The following LRP2 variants were observed in gnomAD, a reference collection of about 807,000 sequenced individuals.
The protein encoded by LRP2 is low-density lipoprotein receptor-related protein 2.
LRP2 carries 172 observed loss-of-function variants against 531.0 expected under a neutral mutation model. That is an observed-to-expected ratio of 0.32 (90% CI 0.29 to 0.37). LRP2 has a LOEUF of 0.37. Among genes scored for constraint, LRP2 ranks in the 10% least tolerant of loss-of-function variants. LRP2 has a pLI of 1.00. For synonymous variants in LRP2, 1,992 were observed against 2,027.6 expected, an observed-to-expected ratio of 0.98 and a Z score of 0.47; for missense variants, 5,167 against 5,868.3, an observed-to-expected ratio of 0.88 and a Z score of 3.90.
intron 76 of LRP2, among the ~76,000 whole-genome samples, chr2:169,135,037 G>C (rs542601943): frequency 3.7e-4 from 56 of 152,274 alleles, no homozygotes; most frequent in Non-Finnish European, 6.9e-4. Context: ...TCCCACACAA[G>C]GCAAATGGTT....
intron 4 of LRP2, among the ~76,000 whole-genome samples, chr2:169,302,457 T>C (rs1169364656): frequency 1.3e-5 from 2 of 152,054 alleles, no homozygotes; most frequent in Non-Finnish European, 2.9e-5. Flanking sequence ...ATGATTTGGC[T>C]CCTGGAGGAC....
At chr2:169,139,729 C>A in intron 72 of LRP2, 119 bp from the exon 73 acceptor site, 2 of 859,032 alleles carry the variant, frequency 2.3e-6, no homozygotes, top group Admixed American at 1.8e-5. Flanking sequence ...GTTGAACAGA[C>A]AATGTATCCT....
chr2:169,239,504 G>T (rs1689727548), intron 26 of LRP2, 23 bp downstream of exon 26: 1 of 1,613,734 alleles, frequency 6.2e-7, no homozygotes, highest in Admixed American at 1.7e-5. Flanking sequence ...TGATAAACTG[G>T]CTCGGGTTAG....
In LRP2 at chr2:169,198,849, C is replaced by T. The variant is rs200480327; in HGVS notation, c.8515G>A (p.Val2839Ile). 1.2e-4 allele frequency: 187 copies of T among 1,613,826 alleles called. No individual in the cohort carries two copies. Among genetic ancestry groups the T allele is most frequent in the South Asian group, 3.0e-4 (27 of 91,076 alleles). Residue 2839 changes from valine (V) to isoleucine (I), a missense_variant, in exon 45 of 79, where the codon GTT (valine) becomes ATT (isoleucine). This residue lies in a region of LRP2 where 1,129 missense variants were observed against 1,362.7 expected (regional missense o/e 0.83). Transcript: ENST00000649046. ...TCATTGTCTCCGTCACACAAATAAACGCGAGGAATACAAATATTTGAATTA... is the reference window on the plus strand; with the variant it reads ...TCATTGTCTCCGTCACACAAATAAATGCGAGGAATACAAATATTTGAATTA... ...CHNSNICIPR[V>I]YLCDGDNDCG...
intron 1 of LRP2, among the ~76,000 whole-genome samples, chr2:169,328,441 TAAA>T (rs537210492): frequency 8.1e-5 from 4 of 49,128 alleles, no homozygotes; most frequent in Admixed American, 5.2e-4. Context: ...CGGGCCGGGA[TAAA>T]AAAAAAAAAA....
At chr2:169,327,421 C>A (rs1337529315) in intron 1 of LRP2, among the ~76,000 whole-genome samples, 1 of 129,724 alleles carries the variant, frequency 7.7e-6, no homozygotes, top group Non-Finnish European at 1.7e-5. Context: ...CCAGCCACCC[C>A]GTCCGGGAGG....
rs35472707 is a variant in LRP2, at chr2:169,139,071, C to T, written c.13388+180G>A. ...TTGTCACTCAGGCTTTAGAGAAGCACTTGACTAAGAAGTTGGGATTTGAAG... is the reference window on the plus strand; with the variant it reads ...TTGTCACTCAGGCTTTAGAGAAGCATTTGACTAAGAAGTTGGGATTTGAAG... On this transcript the variant is annotated intron_variant, in intron 74 of 78. Transcript: ENST00000649046. 0.04 allele frequency among the ~76,000 whole-genome samples: 6,158 copies of T among 152,286 alleles called. 130 individuals carry two copies. The highest frequency in any genetic ancestry group is 0.049 in the Non-Finnish European group (3,314 of 68,014).
chr2:169,151,730 C>T (rs1056777917), intron 67 of LRP2, among the ~76,000 whole-genome samples: 4 of 152,176 alleles, frequency 2.6e-5, no homozygotes, highest in African/African-American at 7.2e-5. Flanking sequence ...AAACTTCAAA[C>T]AAGAAGACAG....
chr2:169,147,402 A>G (rs964095495), intron 68 of LRP2, among the ~76,000 whole-genome samples: 2 of 151,624 alleles, frequency 1.3e-5, no homozygotes, highest in Non-Finnish European at 2.9e-5. Flanking sequence ...AGCTCACTAC[A>G]CTCCTGGGCT....
chr2:169,322,750 G>T (rs1356482607), intron 1 of LRP2, among the ~76,000 whole-genome samples: 4 of 152,022 alleles, frequency 2.6e-5, no homozygotes, highest in African/African-American at 9.7e-5. Context: ...TAGTATCTGA[G>T]GTTGTAAAGG....
In LRP2 at chr2:169,289,010, G is replaced by A. The variant is rs761275951; in HGVS notation, c.1042+16C>T. 1.3e-5 allele frequency: 21 copies of A among 1,613,388 alleles called. No homozygotes were observed. The highest frequency in any genetic ancestry group is 1.7e-4 in the Middle Eastern group (1 of 6,058). On this transcript the variant is annotated intron_variant, in intron 9 of 78. Coordinates refer to ENST00000649046, the MANE Select transcript of LRP2 (RefSeq NM_004525.3). ...CTGTAATGAAAGACAAGTAGCCGCC[G>A]CCCCCCATCACTTACCAACACAGGT...
Position 169,277,915 on chromosome 2 carries a change from C to T in LRP2, c.1602G>A (p.Gly534=), listed in dbSNP as rs1405719493. 1 of 1,613,898 alleles carries T rather than the reference C, an allele frequency of 6.2e-7. No homozygotes were observed. Among genetic ancestry groups the T allele is most frequent in the Middle Eastern group, 1.6e-4 (1 of 6,062 alleles). Residue 534 remains glycine, a synonymous_variant, in exon 13 of 79, where the codon GGG becomes GGA. Coordinates refer to ENST00000649046, the MANE Select transcript of LRP2 (RefSeq NM_004525.3). The stretch of plus-strand genomic sequence containing the variant: ...TGAATGCCCTTTCCAGCTTAGGTTC[C>T]CCAGAAAGGCTCTCCCAATCTGAGA... ...LFFSDWESLS[G]EPKLERAFMD... is the part of the protein sequence containing the mutation.
chr2:169,194,139 T>C (rs527768578), intron 46 of LRP2, among the ~76,000 whole-genome samples: 7 of 152,308 alleles, frequency 4.6e-5, no homozygotes, highest in East Asian at 1.9e-4. Context: ...TATTCCCTTA[T>C]GTGTATGGTA....
chr2:169,357,730 A>G (rs1029824014), intron 1 of LRP2, among the ~76,000 whole-genome samples: 19 of 152,196 alleles, frequency 1.2e-4, no homozygotes, highest in Non-Finnish European at 2.2e-4. Flanking sequence ...TACACAGGAA[A>G]TACATCTAGG....
At chr2:169,246,611 C>T (rs1022643140) in intron 21 of LRP2, 94 bp downstream of exon 21, 1 of 1,398,054 alleles carries the variant, frequency 7.2e-7, no homozygotes, top group African/African-American at 1.4e-5. Flanking sequence ...AGATATTTTT[C>T]CCATATAAAT....
chr2:169,195,761 C>A (rs984238281), intron 46 of LRP2, among the ~76,000 whole-genome samples: 1 of 152,082 alleles, frequency 6.6e-6, no homozygotes, highest in Non-Finnish European at 1.5e-5. Flanking sequence ...ACTCTATGTG[C>A]CCTTTGCTTT....
chr2:169,210,902 C>A (rs999251481), intron 37 of LRP2, among the ~76,000 whole-genome samples: 1 of 152,166 alleles, frequency 6.6e-6, no homozygotes, highest in South Asian at 2.1e-4. Context: ...CACACACACA[C>A]ATACAAATTG....
chr2:169,305,892 AC>A (rs1424649896), intron 4 of LRP2, among the ~76,000 whole-genome samples: 4 of 152,144 alleles, frequency 2.6e-5, no homozygotes, highest in African/African-American at 4.8e-5. Context: ...TAGCACGGGA[AC>A]ATGGTGTTCA....
chr2:169,218,561 C>T (rs1044306541), intron 34 of LRP2, among the ~76,000 whole-genome samples: 9 of 152,022 alleles, frequency 5.9e-5, no homozygotes, highest in African/African-American at 2.2e-4. Context: ...TCTTTGTATC[C>T]ACCCTCTGAA....
Sources: allele counts gnomAD v4.1 joint callset (sites outside exome capture counted in the v4.1 genomes callset), GRCh38; gene constraint gnomAD v4.1.1; regional missense constraint gnomAD v4.1.1; transcripts MANE v1.5; gene names NCBI Gene and HGNC (gene_info 2026-07-23, HGNC 2026-07-21).